Variants in DIXDC1 observed in about 807,000 individuals in gnomAD.
The protein encoded by DIXDC1 is dixin.
Under a neutral mutation model 103.1 loss-of-function variants are expected in DIXDC1, and 64 were observed. That is an observed-to-expected ratio of 0.62 (90% CI 0.51 to 0.76). The LOEUF is 0.76. Ranked by LOEUF, DIXDC1 falls within the 30% of genes least tolerant of loss-of-function variation. The pLI, the probability that DIXDC1 is intolerant of heterozygous loss-of-function variation, is 0.00. For synonymous variants in DIXDC1, 266 were observed against 298.5 expected (o/e 0.89, Z 1.12); for missense variants, 759 against 834.2 (o/e 0.91, Z 1.11).
intron 1 of DIXDC1, among the ~76,000 whole-genome samples, chr11:111,944,145 T>TCC (rs1966516053): frequency 6.6e-6 from 1 of 152,156 alleles, no homozygotes; most frequent in Admixed American, 6.5e-5. Flanking sequence ...CACCCTCATC[T>TCC]CCTCATCTTC....
Position 111,973,938 on chromosome 11 carries a change from T to C in DIXDC1, c.317-85T>C. ...TTGCTTACCTGTATCACTAGCAATA[T>C]GTAATAAATGCAGAAGTCCTCAGCT... On this transcript the variant is annotated intron_variant, in intron 3 of 19. Transcript: ENST00000440460. The C allele has an allele frequency of 9.3e-6, 12 of 1,286,730 alleles. 1 individual carries two copies. The South Asian group carries it at 1.1e-4, about 12-fold the overall frequency. 79.7% of individuals were successfully genotyped at this position (1,286,730 alleles called of 1,614,324 possible). A position where few individuals can be genotyped will look rare whatever the true frequency, so the allele number is the denominator to read the frequency against.
At chr11:111,980,658 C>G in intron 5 of DIXDC1, 79 bp from the exon 6 acceptor site, 4 of 1,187,642 alleles carry the variant, frequency 3.4e-6, no homozygotes, top group Admixed American at 2.0e-5. Flanking sequence ...TGTCCCTGTT[C>G]TCAGGAATAA....
chr11:111,992,467 A>C lies in DIXDC1; in HGVS notation c.1166A>C (p.Lys389Thr), dbSNP rs782211504. 4 of 1,582,904 alleles carry C rather than the reference A, an allele frequency of 2.5e-6. No individual in the cohort carries two copies. Among genetic ancestry groups the C allele is most frequent in the African/African-American group, 2.7e-5 (2 of 74,356 alleles). The change falls in exon 11 of 20, where the codon AAA (lysine) becomes ACA (threonine). Residue 389 changes from lysine to threonine, a missense_variant. Coordinates refer to ENST00000440460, the MANE Select transcript of DIXDC1 (RefSeq NM_001037954.4). The part of the protein sequence containing the change: ...TQQDTSVLQL[K>T]QELLRANMDK... ...CAGGACACATCTGTTCTTCAGCTCA[A>C]ACAAGAGCTACTGAGGGCAAATATG... is the stretch of plus-strand genomic sequence containing the variant.
intron 17 of DIXDC1, among the ~76,000 whole-genome samples, chr11:112,010,209 A>T (rs974311077): frequency 2.4e-4 from 37 of 152,290 alleles, no homozygotes; most frequent in African/African-American, 8.4e-4. Flanking sequence ...CACAATTGCT[A>T]CGAAGAGAAT....
intron 1 of DIXDC1, among the ~76,000 whole-genome samples, chr11:111,956,567 A>G (rs1251202978): frequency 3.3e-5 from 5 of 152,114 alleles, no homozygotes; most frequent in Non-Finnish European, 5.9e-5. Context: ...TTGGCTCACT[A>G]CAACCTCCGC....
chr11:111,989,167 T>A (rs1860605893), intron 10 of DIXDC1, 112 bp downstream of exon 10: 5 of 823,872 alleles, frequency 6.1e-6, no homozygotes, highest in Non-Finnish European at 9.1e-6. Context: ...CTCTGTGCTA[T>A]TGGTAAAGAA....
intron 6 of DIXDC1, 110 bp from the exon 7 acceptor site, chr11:111,982,229 C>G: frequency 6.5e-6 from 8 of 1,230,768 alleles, no homozygotes; most frequent in Non-Finnish European, 7.8e-6. Flanking sequence ...GCTATGAGAA[C>G]AGGTTCAGAA....
At chr11:111,946,851 A>G (rs1966614562) in intron 1 of DIXDC1, 2 of 397,304 alleles carry the variant, frequency 5.0e-6, no homozygotes, top group African/African-American at 2.0e-5. Flanking sequence ...TAGAGGCTGT[A>G]TTGCAGAAAA....
Position 111,958,979 on chromosome 11 carries a change from C to T in DIXDC1, c.61-5570C>T, listed in dbSNP as rs1470426178. Among the ~76,000 whole-genome samples the T allele has an allele frequency of 1.3e-5, 2 of 152,168 alleles. No individual in the cohort carries two copies. Among genetic ancestry groups the T allele is most frequent in the Non-Finnish European group, 2.9e-5 (2 of 68,020 alleles). Reference sequence around the variant, plus strand: ...TCCAGGGTCTTCACTCTGCTGAGAGCTGAACACTCATCGGGACACCCTGGC... The same window carrying T: ...TCCAGGGTCTTCACTCTGCTGAGAGTTGAACACTCATCGGGACACCCTGGC... On this transcript the variant is annotated intron_variant, in intron 1 of 19. Coordinates refer to ENST00000440460, the MANE Select transcript of DIXDC1 (RefSeq NM_001037954.4). The surrounding 1 kb of genome is among the most constrained non-coding windows in gnomAD (Gnocchi z 4.2).
Position 112,017,076 on chromosome 11 carries a change from T to TTC in DIXDC1, c.1862+281_1862+282insCT, listed in dbSNP as rs1491486085. On this transcript the variant is annotated intron_variant, in intron 18 of 19. Transcript: ENST00000440460. This position sits in a 1 kb window ranked among gnomAD's most constrained non-coding sequence, Gnocchi z 4.0. ...ATATGGCTCTGCATTTGGGAAAATC[T>TTC]TTTTTTTTTTTTTTAAGTGTTCAAA... is the stretch of plus-strand genomic sequence containing the variant. Among the ~76,000 whole-genome samples, 2 of 138,276 alleles carry TTC rather than the reference T, an allele frequency of 1.4e-5. No individual in the cohort carries two copies. Among genetic ancestry groups the TTC allele is most frequent in the Admixed American group, 1.5e-4 (2 of 13,774 alleles). 90.7% of individuals were successfully genotyped at this position (138,276 alleles called of 152,430 possible).
chr11:111,997,417 C>T (rs1555175496), intron 17 of DIXDC1, among the ~76,000 whole-genome samples: 1 of 151,948 alleles, frequency 6.6e-6, no homozygotes, highest in South Asian at 2.1e-4. Context: ...TTCACTGCAA[C>T]CTCTGTCTCC....
At chr11:111,946,831 C>G (rs1173698435) in intron 1 of DIXDC1, 1 of 420,440 alleles carries the variant, frequency 2.4e-6, no homozygotes, top group East Asian at 5.8e-5. Flanking sequence ...TTGGGACAGC[C>G]TAATTTTGTT....
At position 111,958,198 on chromosome 11, in the gene DIXDC1, C is replaced by T. The variant is rs587652872; in HGVS notation, c.61-6351C>T. On this transcript the variant is annotated intron_variant, in intron 1 of 19. Transcript: ENST00000440460. The surrounding 1 kb of genome is among the most constrained non-coding windows in gnomAD (Gnocchi z 4.2). ...GAAGCAGGTAGGAGTCCCGGCCTCCCGGGCACAGCTGCAGCCACCCAAACC... is the reference window on the plus strand; with the variant it reads ...GAAGCAGGTAGGAGTCCCGGCCTCCTGGGCACAGCTGCAGCCACCCAAACC... Among the ~76,000 whole-genome samples, 3 of 150,424 alleles carry T rather than the reference C, an allele frequency of 2.0e-5. No homozygotes were observed. Among genetic ancestry groups the T allele is most frequent in the African/African-American group, 4.9e-5 (2 of 40,824 alleles).
At chr11:111,946,302 G>T (rs57394691) in intron 1 of DIXDC1, among the ~76,000 whole-genome samples, 3,760 of 152,214 alleles carry the variant, frequency 0.025, 160 homozygotes, top group African/African-American at 0.086. Flanking sequence ...TAGAGACGGG[G>T]TTTCACCGTG....
At position 111,937,559 on chromosome 11, in the gene DIXDC1, G is replaced by T; in HGVS notation, c.60G>T (p.Glu20Asp). 6.3e-7 allele frequency: 1 copy of T among 1,590,308 alleles called. No individual in the cohort carries two copies. Among genetic ancestry groups the T allele is most frequent in the Non-Finnish European group, 8.6e-7 (1 of 1,168,772 alleles). ...LLDVLQEGFN[E>D]QQLQAYVAWV... ...ACGTCCTGCAGGAGGGCTTCAATGA[G>T]GTAACTGTCCTGCTCCTCCCACTCC... The change falls in exon 1 of 20, where the codon GAG (glutamate) becomes GAT (aspartate). Residue 20 changes from glutamate (E) to aspartate (D), a missense_variant and splice_region_variant. Around this residue, in one of 3 missense-constraint regions of DIXDC1, gnomAD observed 97 missense variants for 85.4 expected, o/e 1.14. Transcript: ENST00000440460.
chr11:111,948,073 C>T (rs190043773), intron 1 of DIXDC1, among the ~76,000 whole-genome samples: 1 of 152,190 alleles, frequency 6.6e-6, no homozygotes, highest in Admixed American at 6.5e-5. Context: ...GCACCTTAGT[C>T]TCTAACACTC....
intron 6 of DIXDC1, chr11:111,982,105 T>C (rs1860323421): frequency 2.7e-6 from 1 of 376,518 alleles, no homozygotes; most frequent in South Asian, 8.6e-5. Flanking sequence ...TCTTAATACT[T>C]CCTAAGAGTT....
chr11:111,979,901 T>C (rs1243005367), intron 5 of DIXDC1, among the ~76,000 whole-genome samples: 1 of 152,064 alleles, frequency 6.6e-6, no homozygotes, highest in Non-Finnish European at 1.5e-5. Flanking sequence ...CTGCCATGAG[T>C]TATGATGGAG....
chr11:111,945,113 A>G (rs1304998946), intron 1 of DIXDC1, among the ~76,000 whole-genome samples: 6 of 152,218 alleles, frequency 3.9e-5, no homozygotes, highest in Admixed American at 3.9e-4. Context: ...GATGCAGCAG[A>G]AACAATGAAA....
Sources: gnomAD v4.1 joint callset for allele counts (sites outside exome capture counted in the v4.1 genomes callset) on GRCh38, gnomAD v4.1.1 for gene constraint, gnomAD v4.1.1 regional missense constraint, Gnocchi (gnomAD v3.1) non-coding constraint, MANE v1.5 for transcripts, NCBI Gene and HGNC (gene_info 2026-07-23, HGNC 2026-07-21) for gene names.